MRPL54: variants seen among roughly 807,000 people sequenced by gnomAD.
MRPL54 encodes mitochondrial ribosomal protein L54.
A neutral mutation model predicts 15.6 loss-of-function variants in MRPL54; 12 were observed. The observed-to-expected ratio is 0.77, with a 90% CI of 0.49 to 1.24. The LOEUF (loss-of-function observed/expected upper bound fraction) is 1.24, where lower values mean the gene tolerates loss of function less well. Ranked by LOEUF, MRPL54 falls within the 50% of genes most tolerant of loss-of-function variation. The pLI is 0.00. For synonymous variants in MRPL54, 91 were observed against 75.7 expected, an observed-to-expected ratio of 1.20 and a Z score of -1.05; for missense variants, 178 against 186.8, an observed-to-expected ratio of 0.95 and a Z score of 0.28.
At position 3,762,706 on chromosome 19, in the gene MRPL54, G is replaced by T; in HGVS notation, c.6G>T (p.Ala2=). 1 of 1,611,214 alleles carries T rather than the reference G, an allele frequency of 6.2e-7. No homozygotes were observed. The highest frequency in any genetic ancestry group is 1.1e-5 in the South Asian group (1 of 90,936). ...CAAGCTGCCCGCAATACGTCATGGC[G>T]ACCAAACGCCTTTTCGGGGCTACCC... M[A]TKRLFGATRT... Residue 2 remains alanine, a synonymous_variant, in exon 1 of 3, where the codon GCG becomes GCT. Coordinates refer to ENST00000330133, the MANE Select transcript of MRPL54 (RefSeq NM_172251.3).
In MRPL54 at chr19:3,765,176, G is replaced by T. The variant is rs758956074; in HGVS notation, c.129G>T (p.Gly43=). The T allele has an allele frequency of 9.9e-6, 16 of 1,611,778 alleles. No homozygotes were observed. In the South Asian group the frequency reaches 1.8e-4, roughly 18 times the overall value. The change falls in exon 2 of 3, where the codon GGG becomes GGT. Residue 43 remains glycine, a synonymous_variant. Transcript: ENST00000330133. ...CTCTCGTCTCCCCAGTTATGAAGGG[G>T]GCCAAATCGGGAAAAGGTGCAGTGA... ...RDYAKKPVMK[G]AKSGKGAVTS... is the part of the protein sequence containing the mutation.
chr19:3,767,296 T>C lies in MRPL54; in HGVS notation c.320T>C (p.Leu107Pro). ...ATGAACTTGGGTCCCCCAAAGACCC[T>C]GGAGGAGCTGGACCCCGAGAGCCGG... The part of the protein sequence containing the change: ...FEMNLGPPKT[L>P]EELDPESREY... The change falls in exon 3 of 3, where the codon CTG becomes CCG. Residue 107 changes from leucine to proline, a missense_variant. By Grantham distance (98) the Leu-to-Pro change is moderately conservative. Coordinates refer to ENST00000330133, the MANE Select transcript of MRPL54 (RefSeq NM_172251.3). 19 of 1,612,530 alleles carry C rather than the reference T, an allele frequency of 1.2e-5. No individual in the cohort carries two copies. The highest frequency in any genetic ancestry group is 1.6e-5 in the Non-Finnish European group (19 of 1,179,438).
At chr19:3,766,670 C>T (rs1357716555) in intron 2 of MRPL54, among the ~76,000 whole-genome samples, 1 of 152,182 alleles carries the variant, frequency 6.6e-6, no homozygotes, top group Non-Finnish European at 1.5e-5. Flanking sequence ...GGTGACACTT[C>T]CAGGAAGGGG....
chr19:3,765,254 C>T lies in MRPL54; in HGVS notation c.207C>T (p.Thr69=). The T allele has an allele frequency of 1.9e-6, 3 of 1,614,018 alleles. No individual in the cohort carries two copies. Among genetic ancestry groups the T allele is most frequent in the South Asian group, 2.2e-5 (2 of 91,060 alleles). The change falls in exon 2 of 3, where the codon ACC becomes ACT. Residue 69 remains threonine (T), a synonymous_variant. Transcript: ENST00000330133. ...PDVCTDPVQL[T]TYAMGVNIYK... ...TATGCACAGATCCTGTCCAGCTCAC[C>T]ACATATGCCATGGGCGTCAACATCT...
At chr19:3,767,141 A>G in intron 2 of MRPL54, 120 bp from the exon 3 acceptor site, 2 of 1,334,180 alleles carry the variant, frequency 1.5e-6, no homozygotes, top group Non-Finnish European at 2.0e-6. Flanking sequence ...CCCTGAGATC[A>G]TGCAGCCAAC....
At chr19:3,766,192 C>T in intron 2 of MRPL54, among the ~76,000 whole-genome samples, 1 of 151,990 alleles carries the variant, frequency 6.6e-6, no homozygotes, top group Non-Finnish European at 1.5e-5. Context: ...ATTCTCCTGC[C>T]TCAGCCTCCC....
Position 3,762,686 on chromosome 19 carries a change from T to C in MRPL54, c.-15T>C, listed in dbSNP as rs1343370152. On this transcript the variant is annotated 5_prime_UTR_variant, in exon 1 of 3. Transcript: ENST00000330133. The stretch of plus-strand genomic sequence containing the variant: ...CTTCCGGAAACGTGCACTTGCAAGC[T>C]GCCCGCAATACGTCATGGCGACCAA... The C allele has an allele frequency of 1.2e-6, 2 of 1,609,716 alleles. No individual in the cohort carries two copies. Among genetic ancestry groups the C allele is most frequent in the Non-Finnish European group, 8.5e-7 (1 of 1,178,052 alleles).
intron 2 of MRPL54, among the ~76,000 whole-genome samples, chr19:3,765,582 A>T (rs7259446): frequency 0.87 from 132,653 of 152,120 alleles, 57,998 homozygotes; most frequent in East Asian, 1. Flanking sequence ...ACAATGCTTT[A>T]TCTTAAGCAA....
At chr19:3,765,476 G>A (rs543010579) in intron 2 of MRPL54, 145 bp downstream of exon 2, 85 of 809,640 alleles carry the variant, frequency 1.0e-4, no homozygotes, top group Non-Finnish European at 1.6e-4. Context: ...GGGGGCTTCA[G>A]GGCTCTGCCC....
rs141455669 is a variant in MRPL54, at chr19:3,763,524, C to T, written c.118+706C>T. Among the ~76,000 whole-genome samples, 26 of 152,008 alleles carry T rather than the reference C, an allele frequency of 1.7e-4. No homozygotes were observed. The East Asian group carries it at 2.3e-3, about 14-fold the overall frequency. On this transcript the variant is annotated intron_variant, in intron 1 of 2. Coordinates refer to ENST00000330133, the MANE Select transcript of MRPL54 (RefSeq NM_172251.3). The stretch of plus-strand genomic sequence containing the variant: ...GCATGATGGCTCACACCTTTATTCC[C>T]GGCACTTTGGGAAGCCAAGGAGGGA...
intron 2 of MRPL54, among the ~76,000 whole-genome samples, chr19:3,765,634 C>T (rs147246086): frequency 1.3e-5 from 2 of 152,104 alleles, no homozygotes; most frequent in African/African-American, 2.4e-5. Flanking sequence ...CGCCGTGGCT[C>T]ACACCTGTAA....
rs2037161535 is a variant in MRPL54, at chr19:3,762,733, G to A, written c.33G>A (p.Arg11=). 6.2e-7 allele frequency: 1 copy of A among 1,611,528 alleles called. No homozygotes were observed. The highest frequency in any genetic ancestry group is 1.7e-5 in the Admixed American group (1 of 59,912). The change falls in exon 1 of 3, where the codon CGG becomes CGA. Residue 11 remains arginine (R), a synonymous_variant. Coordinates refer to ENST00000330133, the MANE Select transcript of MRPL54 (RefSeq NM_172251.3). MATKRLFGAT[R]TWAGWGAWEL... ...CCAAACGCCTTTTCGGGGCTACCCG[G>A]ACGTGGGCCGGCTGGGGGGCCTGGG...
chr19:3,765,124 G>C, intron 1 of MRPL54, 42 bp from the exon 2 acceptor site: 1 of 1,571,422 alleles, frequency 6.4e-7, no homozygotes, highest in East Asian at 2.3e-5. Context: ...GGCTTCCAGA[G>C]GAGGGGCTGG....
chr19:3,764,370 G>A (rs558256078), intron 1 of MRPL54, among the ~76,000 whole-genome samples: 6 of 147,970 alleles, frequency 4.1e-5, no homozygotes, highest in South Asian at 2.2e-4. Context: ...GGCGTGAGCC[G>A]CCGCGCCCGG....
At position 3,765,112 on chromosome 19, in the gene MRPL54, T is replaced by C. The variant is rs191941105; in HGVS notation, c.119-54T>C. On this transcript the variant is annotated intron_variant, in intron 1 of 2. Coordinates refer to ENST00000330133, the MANE Select transcript of MRPL54 (RefSeq NM_172251.3). ...TGAGACAGGGTTCTGTGAGAGAAGTTTGGCTTCCAGAGGAGGGGCTGGGCT... is the reference window on the plus strand; with the variant it reads ...TGAGACAGGGTTCTGTGAGAGAAGTCTGGCTTCCAGAGGAGGGGCTGGGCT... The C allele has an allele frequency of 4.5e-6, 7 of 1,554,166 alleles. No individual in the cohort carries two copies. In the African/African-American group the frequency reaches 6.9e-5, roughly 15 times the overall value.
intron 1 of MRPL54, among the ~76,000 whole-genome samples, chr19:3,764,276 A>C (rs1024087294): frequency 1.1e-4 from 17 of 151,244 alleles, no homozygotes; most frequent in Non-Finnish European, 2.4e-4. Flanking sequence ...GTAGAGATGG[A>C]ATTTCACCAT....
At chr19:3,763,071 TGTG>T in intron 1 of MRPL54, among the ~76,000 whole-genome samples, 1 of 152,254 alleles carries the variant, frequency 6.6e-6, no homozygotes, top group Admixed American at 6.5e-5. Flanking sequence ...GGGAGGAGGA[TGTG>T]GTTACGTGGA....
rs372491783 is a variant in MRPL54 at position 3,765,207 on chromosome 19, G to C, written c.160G>C (p.Glu54Gln). ...AKSGKGAVTSEALKDPDVCTD... is the reference protein window; with the variant it reads ...AKSGKGAVTSQALKDPDVCTD... ...ATCGGGAAAAGGTGCAGTGACCAGC[G>C]AGGCCCTCAAGGACCCCGACGTATG... The change falls in exon 2 of 3, where the codon GAG becomes CAG. Residue 54 changes from glutamate to glutamine, a missense_variant. Coordinates refer to ENST00000330133, the MANE Select transcript of MRPL54 (RefSeq NM_172251.3). The C allele has an allele frequency of 5.0e-6, 8 of 1,613,474 alleles. No individual in the cohort carries two copies. The highest frequency in any genetic ancestry group is 4.5e-5 in the East Asian group (2 of 44,838).
At chr19:3,766,958 G>A (rs1175371575) in intron 2 of MRPL54, among the ~76,000 whole-genome samples, 1 of 152,224 alleles carries the variant, frequency 6.6e-6, no homozygotes, top group East Asian at 1.9e-4. Flanking sequence ...TGATCTGAAG[G>A]CTGGGGAGGG....
Sources: gnomAD v4.1 joint callset for allele counts (sites outside exome capture counted in the v4.1 genomes callset) on GRCh38, gnomAD v4.1.1 for gene constraint, MANE v1.5 for transcripts, NCBI Gene and HGNC (gene_info 2026-07-23, HGNC 2026-07-21) for gene names.